The following PKM variants were observed in gnomAD, a reference collection of about 807,000 sequenced individuals.
PKM encodes the protein pyruvate kinase M1/2, also known as pyruvate kinase PKM.
PKM carries 18 observed loss-of-function variants against 49.8 expected under a neutral mutation model. The ratio of observed to expected loss-of-function variants is 0.36; its 90% CI spans 0.25 to 0.54. The LOEUF is 0.54. Among genes scored for constraint, PKM ranks in the 20% least tolerant of loss-of-function variants. The probability of loss-of-function intolerance (pLI) is 0.89; values close to 1 mark genes in which losing one functional copy is unlikely to be tolerated. For missense variants in PKM, 508 were observed against 713.8 expected (o/e 0.71, Z 3.28); for synonymous variants, 239 against 261.8 (o/e 0.91, Z 0.84).
intron 8 of PKM, among the ~76,000 whole-genome samples, chr15:72,205,119 T>TA (rs373660746): frequency 1.3e-4 from 20 of 151,846 alleles, no homozygotes; most frequent in Non-Finnish European, 2.6e-4. Flanking sequence ...TTTTTTTTTT[T>TA]ATGTTTGTTT....
intron 3 of PKM, among the ~76,000 whole-genome samples, chr15:72,211,688 G>A (rs2082257036): frequency 6.6e-6 from 1 of 151,764 alleles, no homozygotes; most frequent in Non-Finnish European, 1.5e-5. Flanking sequence ...ATGATGGTGC[G>A]TGCCTGGGGT....
In PKM at chr15:72,202,882, A is replaced by G. The variant is rs1351721222; in HGVS notation, c.1141-262T>C. On this transcript the variant is annotated intron_variant, in intron 8 of 10. Coordinates refer to ENST00000335181, the MANE Select transcript of PKM (RefSeq NM_002654.6). The surrounding 1 kb of genome is among the most constrained non-coding windows in gnomAD (Gnocchi z 4.5). ...CAGGACCCTTTGGTCCTGCCCTGCCATGACCTCCCTGGCGGTGTTCCTACA... is the reference window on the plus strand; with the variant it reads ...CAGGACCCTTTGGTCCTGCCCTGCCGTGACCTCCCTGGCGGTGTTCCTACA... The G allele has an allele frequency of 2.2e-6, 2 of 928,682 alleles. No individual in the cohort carries two copies. The highest frequency in any genetic ancestry group is 3.5e-6 in the Non-Finnish European group (2 of 578,772). The allele number at this position is 928,682 out of a possible 1,614,324, so 57.5% of individuals were successfully genotyped here. A position where few individuals can be genotyped will look rare whatever the true frequency, so the allele number is the denominator to read the frequency against.
intron 6 of PKM, 149 bp from the exon 7 acceptor site, chr15:72,207,426 G>T: frequency 2.6e-6 from 2 of 757,390 alleles, no homozygotes; most frequent in Non-Finnish European, 4.6e-6. Flanking sequence ...CACACAGATG[G>T]CAAGGCAGTC....
chr15:72,214,877 T>G (rs1317545075), intron 3 of PKM, among the ~76,000 whole-genome samples: 1 of 152,008 alleles, frequency 6.6e-6, no homozygotes, highest in Non-Finnish European at 1.5e-5. Context: ...ATCTTGCCCA[T>G]GTGAACTGCC....
chr15:72,210,842 T>C (rs1359256887), intron 3 of PKM, among the ~76,000 whole-genome samples: 1 of 152,126 alleles, frequency 6.6e-6, no homozygotes, highest in East Asian at 1.9e-4. Flanking sequence ...TCAAATACCC[T>C]CAGCATATAA....
At chr15:72,204,187 G>C (rs1265833601) in intron 8 of PKM, 1 of 152,204 alleles carries the variant, frequency 6.6e-6, no homozygotes, top group Non-Finnish European at 1.5e-5. Flanking sequence ...TTAGTTATGG[G>C]TCATAAACTG....
At chr15:72,223,083 GATTAT>G (rs550332618) in intron 1 of PKM, among the ~76,000 whole-genome samples, 99 of 146,804 alleles carry the variant, frequency 6.7e-4, no homozygotes, top group African/African-American at 2.4e-3. Context: ...GCAGTGGTGT[GATTAT>G]ATTATATTAT....
At chr15:72,209,620 G>A (rs1171591670) in intron 5 of PKM, 53 bp downstream of exon 5, 7 of 1,520,522 alleles carry the variant, frequency 4.6e-6, no homozygotes, top group Non-Finnish European at 6.4e-6. Context: ...TGTCAAGGAA[G>A]TTTAGAGACA....
chr15:72,199,705 C>A lies in PKM; in HGVS notation c.1541G>T (p.Gly514Val). The A allele has an allele frequency of 6.2e-7, 1 of 1,614,096 alleles. No individual in the cohort carries two copies. The highest frequency in any genetic ancestry group is 8.5e-7 in the Non-Finnish European group (1 of 1,179,992). ...KKGDVVIVLT[G>V]WRPGSGFTNT... ...GGTGAAGCCGGAGCCAGGGCGCCAT[C>A]CGGTCAGCACAATGACCACATCTCC... is the stretch of plus-strand genomic sequence containing the variant. Residue 514 changes from glycine (G) to valine (V), a missense_variant, in exon 11 of 11, where the codon GGA becomes GTA. Gly to Val is a moderately radical substitution (Grantham distance 109, BLOSUM62 -3). Transcript: ENST00000335181.
intron 3 of PKM, among the ~76,000 whole-genome samples, chr15:72,213,939 C>T (rs994240477): frequency 2.0e-5 from 3 of 152,210 alleles, no homozygotes; most frequent in Admixed American, 6.5e-5. Flanking sequence ...CTTCACCTGG[C>T]TTCTCAGAAC....
At chr15:72,230,327 C>T (rs1375626144) in intron 1 of PKM, among the ~76,000 whole-genome samples, 1 of 152,124 alleles carries the variant, frequency 6.6e-6, no homozygotes, top group Non-Finnish European at 1.5e-5. Context: ...GCGCGGGGCA[C>T]CCAGCCCAGC....
intron 3 of PKM, among the ~76,000 whole-genome samples, chr15:72,215,388 G>A (rs116393407): frequency 0.018 from 2,698 of 152,212 alleles, 48 homozygotes; most frequent in African/African-American, 0.038. Flanking sequence ...TGGTAAGGCT[G>A]AAACTGTTTA....
intron 6 of PKM, among the ~76,000 whole-genome samples, chr15:72,208,394 C>T (rs1191659127): frequency 2.0e-5 from 3 of 151,970 alleles, no homozygotes; most frequent in East Asian, 1.9e-4. Context: ...GTCAAGCTGC[C>T]AGCATCTCAA....
At chr15:72,205,129 T>C (rs2082040351) in intron 8 of PKM, among the ~76,000 whole-genome samples, 1 of 152,036 alleles carries the variant, frequency 6.6e-6, no homozygotes. Flanking sequence ...TATGTTTGTT[T>C]GGTTTCTTTT....
chr15:72,213,826 T>C (rs891998930), intron 3 of PKM, among the ~76,000 whole-genome samples: 2 of 152,266 alleles, frequency 1.3e-5, no homozygotes, highest in Non-Finnish European at 2.9e-5. Context: ...GTCATCTCTC[T>C]ATATAGGAAT....
chr15:72,202,707 TCACCGGA>T lies in PKM; in HGVS notation c.1141-94_1141-88del. ...CACAAAAGGAGAGGGAGGGGAAGAG[TCACCGGA>T]CAGCTGGTGAGGAACATGTTCCTGG... On this transcript the variant is annotated intron_variant, in intron 8 of 10. Transcript: ENST00000335181. This position sits in a 1 kb window ranked among gnomAD's most constrained non-coding sequence, Gnocchi z 4.5. The T allele has an allele frequency of 8.6e-7, 1 of 1,165,374 alleles. No individual in the cohort carries two copies. The allele number at this position is 1,165,374 out of a possible 1,614,324, so 72.2% of individuals were successfully genotyped here.
At chr15:72,199,843 A>G (rs2081894929) in intron 10 of PKM, 87 bp from the exon 11 acceptor site, 4 of 832,530 alleles carry the variant, frequency 4.8e-6, no homozygotes, top group Non-Finnish European at 8.2e-6. Flanking sequence ...TGAGTACTGA[A>G]CTAGGCTGGC....
Position 72,208,892 on chromosome 15 carries a change from C to T in PKM, c.566-1G>A. The T allele has an allele frequency of 6.2e-7, 1 of 1,613,460 alleles. No individual in the cohort carries two copies. The highest frequency in any genetic ancestry group is 1.3e-5 in the African/African-American group (1 of 74,952). On this transcript the variant is annotated splice_acceptor_variant, in intron 5 of 10. Coordinates refer to ENST00000335181, the MANE Select transcript of PKM (RefSeq NM_002654.6). LOFTEE classifies it high-confidence loss of function. Reference sequence around the variant, plus strand: ...ACCTCCGTCACCAGGAAGTCGGCACCTGTATGAAAAAGGGTAAGTAGGGGA... The same window carrying T: ...ACCTCCGTCACCAGGAAGTCGGCACTTGTATGAAAAAGGGTAAGTAGGGGA...
At chr15:72,220,098 G>A (rs904229720) in intron 1 of PKM, among the ~76,000 whole-genome samples, 3 of 152,180 alleles carry the variant, frequency 2.0e-5, no homozygotes, top group Non-Finnish European at 2.9e-5. Flanking sequence ...ATAACTATCA[G>A]GTAAGGATGT....
Sources: gnomAD v4.1 joint callset for allele counts (sites outside exome capture counted in the v4.1 genomes callset) on GRCh38, gnomAD v4.1.1 for gene constraint, Gnocchi (gnomAD v3.1) non-coding constraint, MANE v1.5 for transcripts, NCBI Gene and HGNC (gene_info 2026-07-23, HGNC 2026-07-21) for gene names.